CALN1: variants seen among roughly 807,000 people sequenced by gnomAD.
CALN1 encodes the protein calneuron 1.
A neutral mutation model predicts 30.6 loss-of-function variants in CALN1; 17 were observed. The ratio of observed to expected loss-of-function variants is 0.56; its 90% CI spans 0.38 to 0.83. The LOEUF is 0.83. Among genes scored for constraint, CALN1 ranks in the 40% least tolerant of loss-of-function variants. The probability of loss-of-function intolerance (pLI) is 0.00; values close to 1 mark genes in which losing one functional copy is unlikely to be tolerated. For synonymous variants in CALN1, 156 were observed against 131.4 expected (o/e 1.19, Z -1.28); for missense variants, 291 against 354.9 (o/e 0.82, Z 1.45).
At chr7:72,393,717 G>A (rs575127281) in intron 2 of CALN1, among the ~76,000 whole-genome samples, 1 of 151,254 alleles carries the variant, frequency 6.6e-6, no homozygotes, top group African/African-American at 2.4e-5. Flanking sequence ...CTAGGAGTCG[G>A]CCATTTAGCT....
intron 1 of CALN1, among the ~76,000 whole-genome samples, chr7:72,427,765 G>A (rs900632140): frequency 6.6e-6 from 1 of 152,000 alleles, no homozygotes; most frequent in Admixed American, 6.6e-5. Context: ...ACAGGTAGGA[G>A]CCACGGTGCT....
intron 3 of CALN1, among the ~76,000 whole-genome samples, chr7:72,171,866 A>T (rs1339890095): frequency 6.6e-6 from 1 of 152,172 alleles, no homozygotes; most frequent in African/African-American, 2.4e-5. Context: ...ACACACACCC[A>T]TCTTTGATTC....
chr7:71,805,557 T>C (rs1196349867), intron 6 of CALN1, among the ~76,000 whole-genome samples: 1 of 152,174 alleles, frequency 6.6e-6, no homozygotes, highest in Non-Finnish European at 1.5e-5. Flanking sequence ...GATTGAACTG[T>C]TCTGCCCCGA....
intron 5 of CALN1, among the ~76,000 whole-genome samples, chr7:71,827,843 T>C (rs2116383244): frequency 6.7e-6 from 1 of 149,052 alleles, no homozygotes; most frequent in South Asian, 2.2e-4. Context: ...ATTGAGAAGG[T>C]GATATTTGAG....
At chr7:72,350,491 G>C (rs957481933) in intron 2 of CALN1, among the ~76,000 whole-genome samples, 2 of 152,176 alleles carry the variant, frequency 1.3e-5, no homozygotes, top group African/African-American at 4.8e-5. Flanking sequence ...AACAGGGATA[G>C]AGCTGGAGGC....
At chr7:72,383,061 C>T (rs1365398606) in intron 2 of CALN1, among the ~76,000 whole-genome samples, 2 of 152,208 alleles carry the variant, frequency 1.3e-5, no homozygotes, top group Admixed American at 6.5e-5. Context: ...GCTGGGATTA[C>T]GGGCATGAGC....
In CALN1 at chr7:72,412,328, C is replaced by G. The variant is rs530742325; in HGVS notation, c.-344G>C. ...ACACAAACTCAAGCGGATAGCACCC[C>G]AGCGAGCTTCCCCAGCGGGCTCGGG... On this transcript the variant is annotated 5_prime_UTR_variant, in exon 1 of 7. Transcript: ENST00000395275. 20 of 152,138 alleles carry G rather than the reference C, an allele frequency of 1.3e-4. No individual in the cohort carries two copies. The highest frequency in any genetic ancestry group is 4.6e-4 in the African/African-American group (19 of 41,382). 9.4% of individuals were successfully genotyped at this position (152,138 alleles called of 1,614,324 possible). A position where few individuals can be genotyped will look rare whatever the true frequency, so the allele number is the denominator to read the frequency against.
At chr7:72,123,308 T>C (rs1012394774) in intron 3 of CALN1, among the ~76,000 whole-genome samples, 4 of 152,190 alleles carry the variant, frequency 2.6e-5, no homozygotes, top group Non-Finnish European at 5.9e-5. Context: ...TCTAAAGCCA[T>C]CTGTCAATTA....
At chr7:72,236,424 C>G (rs574440609) in intron 3 of CALN1, among the ~76,000 whole-genome samples, 1 of 152,198 alleles carries the variant, frequency 6.6e-6, no homozygotes, top group South Asian at 2.1e-4. Flanking sequence ...GGTCTCTCAT[C>G]GAGCAAGTTC....
At chr7:71,921,619 C>A (rs1203989443) in intron 5 of CALN1, among the ~76,000 whole-genome samples, 2 of 152,102 alleles carry the variant, frequency 1.3e-5, no homozygotes, top group African/African-American at 4.8e-5. Context: ...ACCCCAATGT[C>A]CCTTACTGGC....
intron 3 of CALN1, among the ~76,000 whole-genome samples, chr7:72,216,763 G>A (rs1253954742): frequency 6.6e-6 from 1 of 152,070 alleles, no homozygotes; most frequent in Non-Finnish European, 1.5e-5. Flanking sequence ...ATTGTTTTTT[G>A]GTGGGGGAGA....
intron 2 of CALN1, among the ~76,000 whole-genome samples, chr7:72,390,297 G>T (rs1324724499): frequency 6.6e-6 from 1 of 152,006 alleles, no homozygotes; most frequent in East Asian, 1.9e-4. Context: ...GGGGCATGGT[G>T]GCAGGCACCT....
At chr7:72,082,624 A>C (rs553347496) in intron 4 of CALN1, among the ~76,000 whole-genome samples, 21 of 152,332 alleles carry the variant, frequency 1.4e-4, no homozygotes, top group African/African-American at 4.8e-4. Flanking sequence ...TATAAAGCAT[A>C]AAGACATCTG....
intron 3 of CALN1, among the ~76,000 whole-genome samples, chr7:72,263,815 CTG>C (rs1231598415): frequency 3.3e-5 from 5 of 152,190 alleles, no homozygotes; most frequent in African/African-American, 1.2e-4. Context: ...TATCATTTCA[CTG>C]TGTTTGTTCC....
intron 4 of CALN1, among the ~76,000 whole-genome samples, chr7:72,056,816 C>G (rs1386334824): frequency 6.6e-6 from 1 of 151,956 alleles, no homozygotes; most frequent in Non-Finnish European, 1.5e-5. Context: ...AAGACAAACA[C>G]AAATATTAAA....
intron 4 of CALN1, among the ~76,000 whole-genome samples, chr7:72,082,615 A>G (rs2129538911): frequency 6.6e-6 from 1 of 152,344 alleles, no homozygotes; most frequent in African/African-American, 2.4e-5. Context: ...CAGCTCCACT[A>G]TAAAGCATAA....
intron 4 of CALN1, among the ~76,000 whole-genome samples, chr7:72,068,235 G>A (rs771218851): frequency 6.6e-6 from 1 of 152,120 alleles, no homozygotes; most frequent in Non-Finnish European, 1.5e-5. Context: ...TCATTTATTC[G>A]CAAATTATAT....
At chr7:72,274,966 GCAAGTGGTCCTTTTCATGC>G (rs1234058159) in intron 3 of CALN1, among the ~76,000 whole-genome samples, 1 of 152,082 alleles carries the variant, frequency 6.6e-6, no homozygotes, top group Admixed American at 6.5e-5. Context: ...GACCTGCGTG[GCAAGTGGTCCTTTTCATGC>G]CTGTTTTCAG....
At position 72,032,052 on chromosome 7, in the gene CALN1, CTTTTTTTTT is replaced by C. The variant is rs1184047697; in HGVS notation, c.389-8292_389-8284del. ...GTGAGCCACCACACCTGGCTCCTGG[CTTTTTTTTT>C]TTTTTTTTTTTTTTTGAGACAGAGT... On this transcript the variant is annotated intron_variant, in intron 4 of 6. Coordinates refer to ENST00000395275, the MANE Select transcript of CALN1 (RefSeq NM_031468.4). 1.6e-3 allele frequency among the ~76,000 whole-genome samples: 105 copies of C among 66,578 alleles called. 1 individual carries two copies. In the Admixed American group the frequency reaches 0.017, roughly 11 times the overall value. 43.7% of individuals were successfully genotyped at this position (66,578 alleles called of 152,430 possible).
Sources: allele counts gnomAD v4.1 joint callset (sites outside exome capture counted in the v4.1 genomes callset), GRCh38; gene constraint gnomAD v4.1.1; transcripts MANE v1.5; gene names NCBI Gene and HGNC (gene_info 2026-07-23, HGNC 2026-07-21).